The following DCC variants were observed in gnomAD, a reference collection of about 807,000 sequenced individuals.
DCC encodes DCC netrin 1 receptor, also known as netrin receptor DCC.
DCC carries 58 observed loss-of-function variants against 172.5 expected under a neutral mutation model. That is an observed-to-expected ratio of 0.34 (90% CI 0.27 to 0.42). DCC has a LOEUF of 0.42. Ranked by LOEUF, DCC falls within the 10% of genes least tolerant of loss-of-function variation. DCC has a pLI of 1.00. For synonymous variants in DCC, 709 were observed against 644.5 expected (o/e 1.10, Z -1.52); for missense variants, 1,740 against 1,791.0 (o/e 0.97, Z 0.51).
At chr18:52,766,561 TG>T (rs1336601652) in intron 2 of DCC, among the ~76,000 whole-genome samples, 2 of 151,868 alleles carry the variant, frequency 1.3e-5, no homozygotes, top group African/African-American at 2.4e-5. Flanking sequence ...GAGTACAGTG[TG>T]GGGGAAGGGT....
intron 10 of DCC, 37 bp downstream of exon 10, chr18:53,205,401 T>C: frequency 1.2e-6 from 2 of 1,608,270 alleles, no homozygotes; most frequent in Non-Finnish European, 8.5e-7. Context: ...TTCCATCTGT[T>C]GGATGTTTCC....
chr18:52,905,455 A>G (rs1297386836), intron 2 of DCC, among the ~76,000 whole-genome samples: 9 of 152,224 alleles, frequency 5.9e-5, no homozygotes, highest in Admixed American at 5.2e-4. Context: ...CACCACAGCC[A>G]TACCTGGCAA....
At chr18:53,177,576 C>T (rs1051447112) in intron 8 of DCC, among the ~76,000 whole-genome samples, 13 of 152,130 alleles carry the variant, frequency 8.5e-5, no homozygotes, top group African/African-American at 3.1e-4. Context: ...AGAATTATTA[C>T]AAATGTTGAT....
intron 1 of DCC, among the ~76,000 whole-genome samples, chr18:52,395,967 C>A: frequency 6.6e-6 from 1 of 151,914 alleles, no homozygotes; most frequent in African/African-American, 2.4e-5. Flanking sequence ...CAGGATATAC[C>A]TTTAGATAGA....
chr18:53,106,819 ATAT>A (rs1469439757), intron 7 of DCC, among the ~76,000 whole-genome samples: 1 of 151,862 alleles, frequency 6.6e-6, no homozygotes, highest in East Asian at 2.0e-4. Context: ...ACTTGTTTCA[ATAT>A]AAGGTAACAA....
At chr18:52,716,200 G>A (rs569780619) in intron 1 of DCC, among the ~76,000 whole-genome samples, 23 of 152,218 alleles carry the variant, frequency 1.5e-4, no homozygotes, top group Non-Finnish European at 2.4e-4. Flanking sequence ...GCAGAGCAGC[G>A]AGATCCCAGG....
At chr18:52,456,389 T>G (rs535031667) in intron 1 of DCC, among the ~76,000 whole-genome samples, 2 of 152,280 alleles carry the variant, frequency 1.3e-5, no homozygotes, top group South Asian at 4.1e-4. Context: ...CCTGAGTGCC[T>G]TGTTCTCTAG....
chr18:52,532,471 C>T (rs2032178905), intron 1 of DCC, among the ~76,000 whole-genome samples: 1 of 152,112 alleles, frequency 6.6e-6, no homozygotes, highest in Admixed American at 6.6e-5. Context: ...AATATTAACA[C>T]TAATTTGGAT....
At chr18:53,066,439 A>ATATG (rs1374522518) in intron 7 of DCC, among the ~76,000 whole-genome samples, 1 of 145,212 alleles carries the variant, frequency 6.9e-6, no homozygotes, top group East Asian at 2.0e-4. Context: ...ATATATATAT[A>ATATG]TATAAAATCT....
At chr18:52,375,194 G>T (rs3910783) in intron 1 of DCC, among the ~76,000 whole-genome samples, 55,556 of 152,004 alleles carry the variant, frequency 0.37, 10,225 homozygotes, top group South Asian at 0.44. Context: ...GACAAAAAAT[G>T]AGAAGTCAGT....
At chr18:53,022,819 G>C (rs2041900208) in intron 5 of DCC, among the ~76,000 whole-genome samples, 1 of 151,582 alleles carries the variant, frequency 6.6e-6, no homozygotes, top group Non-Finnish European at 1.5e-5. Flanking sequence ...TGTGATGACT[G>C]TAAAAAAATC....
At chr18:53,143,654 G>A in intron 7 of DCC, among the ~76,000 whole-genome samples, 1 of 152,300 alleles carries the variant, frequency 6.6e-6, no homozygotes, top group African/African-American at 2.4e-5. Flanking sequence ...AGTGAGTTAG[G>A]TTTTGTAACT....
At chr18:52,899,696 A>G (rs1477442346) in intron 2 of DCC, among the ~76,000 whole-genome samples, 1 of 151,630 alleles carries the variant, frequency 6.6e-6, no homozygotes, top group East Asian at 1.9e-4. Flanking sequence ...GAATCTCTCT[A>G]TCGTGACCAA....
chr18:53,339,143 A>C (rs1258019236), intron 14 of DCC, among the ~76,000 whole-genome samples: 1 of 152,192 alleles, frequency 6.6e-6, no homozygotes, highest in Non-Finnish European at 1.5e-5. Flanking sequence ...TGAGGCTTTA[A>C]TCCAGGCCAC....
chr18:53,532,340 G>A lies in DCC; in HGVS notation c.*1687G>A, dbSNP rs912719324. 2 of 152,108 alleles carry A rather than the reference G, an allele frequency of 1.3e-5. No homozygotes were observed. The highest frequency in any genetic ancestry group is 2.9e-5 in the Non-Finnish European group (2 of 68,028). The allele number at this position is 152,108 out of a possible 1,614,324, so 9.4% of individuals were successfully genotyped here. ...GTTTATTTTTTTACAGTTTTATGTC[G>A]GGAAGGAAATCTGATGTCAAAGAGA... On this transcript the variant is annotated 3_prime_UTR_variant, in exon 29 of 29. Coordinates refer to ENST00000442544, the MANE Select transcript of DCC (RefSeq NM_005215.4).
intron 5 of DCC, among the ~76,000 whole-genome samples, chr18:52,981,992 G>A (rs781018663): frequency 2.1e-4 from 32 of 152,080 alleles, no homozygotes; most frequent in Admixed American, 9.2e-4. Context: ...GTTAGAGATG[G>A]GAAATTTTAT....
At chr18:53,202,326 T>C (rs2055551097) in intron 9 of DCC, among the ~76,000 whole-genome samples, 1 of 152,146 alleles carries the variant, frequency 6.6e-6, no homozygotes, top group African/African-American at 2.4e-5. Context: ...CCTAGTTGAA[T>C]CTGGGTAAAT....
At chr18:52,555,454 T>C (rs2032891309) in intron 1 of DCC, among the ~76,000 whole-genome samples, 1 of 152,138 alleles carries the variant, frequency 6.6e-6, no homozygotes, top group Admixed American at 6.6e-5. Flanking sequence ...TACAGAATTA[T>C]AAGAAGAAAG....
intron 1 of DCC, among the ~76,000 whole-genome samples, chr18:52,751,363 T>C (rs529110262): frequency 9.8e-5 from 15 of 152,338 alleles, no homozygotes; most frequent in African/African-American, 3.6e-4. Context: ...TACCCTTGGT[T>C]GATTCTTTAT....
Sources: allele counts gnomAD v4.1 joint callset (sites outside exome capture counted in the v4.1 genomes callset), GRCh38; gene constraint gnomAD v4.1.1; transcripts MANE v1.5; gene names NCBI Gene and HGNC (gene_info 2026-07-23, HGNC 2026-07-21).